The following SEC61A2 variants were observed in gnomAD, a reference collection of about 807,000 sequenced individuals.
SEC61A2 encodes the protein SEC61 translocon subunit alpha 2.
SEC61A2 carries 28 observed loss-of-function variants against 59.9 expected under a neutral mutation model. That is an observed-to-expected ratio of 0.47 (90% confidence interval 0.35 to 0.64). The LOEUF (loss-of-function observed/expected upper bound fraction) is 0.64. SEC61A2 is among the 30% of genes least tolerant of loss of function. The pLI is 0.01. For synonymous variants in SEC61A2, 202 were observed against 214.4 expected (o/e 0.94, Z 0.50); for missense variants, 340 against 585.9 (o/e 0.58, Z 4.33).
downstream of SEC61A2, chr10:12,167,176 C>T (rs904566137): frequency 3.1e-5 from 5 of 158,968 alleles, no homozygotes; most frequent in Middle Eastern, 3.1e-3. Context: ...AGGATTCTAT[C>T]GAACCCTACC....
chr10:12,163,539 G>A (rs983803273), intron 11 of SEC61A2, among the ~76,000 whole-genome samples: 3 of 151,876 alleles, frequency 2.0e-5, no homozygotes, highest in African/African-American at 7.3e-5. Flanking sequence ...GGCCAGGCTC[G>A]TCTTGAACTT....
chr10:12,167,900 C>T (rs1588651835), downstream of SEC61A2: 4 of 1,559,054 alleles, frequency 2.6e-6, no homozygotes, highest in Non-Finnish European at 2.6e-6. Flanking sequence ...GCAGGTACTA[C>T]TATATGTCAC....
intron 3 of SEC61A2, among the ~76,000 whole-genome samples, chr10:12,137,377 CACTTCAGCCTTG>C (rs992597256): frequency 6.6e-6 from 1 of 152,000 alleles, no homozygotes; most frequent in African/African-American, 2.4e-5. Context: ...CTGCAGTGAT[CACTTCAGCCTTG>C]ACTTCCCCAA....
chr10:12,138,600 A>AT (rs1564408049), intron 3 of SEC61A2, among the ~76,000 whole-genome samples: 1 of 152,234 alleles, frequency 6.6e-6, no homozygotes, highest in Non-Finnish European at 1.5e-5. Flanking sequence ...TGTTTTTTCT[A>AT]GAGCTTCATG....
Position 12,143,053 on chromosome 10 carries a change from A to G in SEC61A2, c.142-64A>G. ...CTGCAGCCTTTGCCTCCTGGGTTCA[A>G]GCGATTCTTATGCCTCAGCCTTATA... is the stretch of plus-strand genomic sequence containing the variant. On this transcript the variant is annotated intron_variant, in intron 3 of 11. Transcript: ENST00000298428. This position sits in a 1 kb window ranked among gnomAD's most constrained non-coding sequence, Gnocchi z 4.8. The G allele has an allele frequency of 7.8e-7, 1 of 1,289,880 alleles. No homozygotes were observed. The highest frequency in any genetic ancestry group is 1.1e-6 in the Non-Finnish European group (1 of 887,330). 79.9% of individuals were successfully genotyped at this position (1,289,880 alleles called of 1,614,324 possible).
chr10:12,162,287 T>C lies in SEC61A2; in HGVS notation c.1242T>C (p.Asn414=). 6.2e-7 allele frequency: 1 copy of C among 1,611,762 alleles called. No homozygotes were observed. Residue 414 remains asparagine (N), a splice_region_variant and synonymous_variant, in exon 11 of 12, where the codon AAT becomes AAC. Transcript: ENST00000298428. This position sits in a 1 kb window ranked among gnomAD's most constrained non-coding sequence, Gnocchi z 6.1. The stretch of plus-strand genomic sequence containing the variant: ...ATACCTCTATGGTTCATGAGCTTAA[T>C]AGGTAAGGCTGCTAGACTGACACCT... ...HRDTSMVHEL[N]RYIPTAAAFG...
downstream of SEC61A2, chr10:12,167,718 G>A (rs750377443): frequency 1.9e-6 from 3 of 1,614,022 alleles, no homozygotes; most frequent in Admixed American, 1.7e-5. Context: ...TTTCAAGAAG[G>A]GCACTTCAAA....
At chr10:12,165,499 C>T (rs1221465377), downstream of SEC61A2, 1 of 341,486 alleles carries the variant, frequency 2.9e-6, no homozygotes, top group Non-Finnish European at 4.1e-6. Context: ...ACACTTCAAA[C>T]TTTAATCCTA....
Position 12,156,025 on chromosome 10 carries a change from G to T in SEC61A2, c.616+94G>T. On this transcript the variant is annotated intron_variant, in intron 7 of 11. Coordinates refer to ENST00000298428, the MANE Select transcript of SEC61A2 (RefSeq NM_018144.4). The surrounding 1 kb of genome is among the most constrained non-coding windows in gnomAD (Gnocchi z 5.2). ...CGCAGTACATGCCTAGAGCCGTTCT[G>T]GTTTGCTCTCCTAGGGGATAAGGAA... The T allele has an allele frequency of 7.4e-7, 1 of 1,355,594 alleles. No individual in the cohort carries two copies. Among genetic ancestry groups the T allele is most frequent in the South Asian group, 1.3e-5 (1 of 79,660 alleles). The allele number at this position is 1,355,594 out of a possible 1,614,324, so 84.0% of individuals were successfully genotyped here.
rs557226035 is a variant in SEC61A2 at position 12,143,610 on chromosome 10, G to C, written c.220+415G>C. On this transcript the variant is annotated intron_variant, in intron 4 of 11. Transcript: ENST00000298428. This position sits in a 1 kb window ranked among gnomAD's most constrained non-coding sequence, Gnocchi z 4.8. ...ATTAGCCAGGTGTGGGTATGCACCTGTAATCCCAGCTACTCAGGAGGCTGA... is the reference window on the plus strand; with the variant it reads ...ATTAGCCAGGTGTGGGTATGCACCTCTAATCCCAGCTACTCAGGAGGCTGA... Among the ~76,000 whole-genome samples, 15 of 152,262 alleles carry C rather than the reference G, an allele frequency of 9.9e-5. No individual in the cohort carries two copies. In the South Asian group the frequency reaches 2.7e-3, roughly 27 times the overall value.
chr10:12,143,228 C>T lies in SEC61A2; in HGVS notation c.220+33C>T. Reference sequence around the variant, plus strand: ...TGTCTTTTCTGTCTCCACACTCCTACTCACAGCAAACAGATGGAAACATGT... The same window carrying T: ...TGTCTTTTCTGTCTCCACACTCCTATTCACAGCAAACAGATGGAAACATGT... On this transcript the variant is annotated intron_variant, in intron 4 of 11. Coordinates refer to ENST00000298428, the MANE Select transcript of SEC61A2 (RefSeq NM_018144.4). The surrounding 1 kb of genome is among the most constrained non-coding windows in gnomAD (Gnocchi z 4.8). 3 of 1,421,286 alleles carry T rather than the reference C, an allele frequency of 2.1e-6. No individual in the cohort carries two copies. The highest frequency in any genetic ancestry group is 1.8e-4 in the Middle Eastern group (1 of 5,664). The allele number at this position is 1,421,286 out of a possible 1,614,324, so 88.0% of individuals were successfully genotyped here.
At chr10:12,146,251 C>T (rs1190696787) in intron 4 of SEC61A2, among the ~76,000 whole-genome samples, 1 of 152,180 alleles carries the variant, frequency 6.6e-6, no homozygotes, top group East Asian at 1.9e-4. Context: ...TTCCTGACCT[C>T]AGGTGATCCA....
chr10:12,134,208 C>T (rs961560899), intron 2 of SEC61A2, among the ~76,000 whole-genome samples: 6 of 152,146 alleles, frequency 3.9e-5, no homozygotes, highest in Non-Finnish European at 5.9e-5. Context: ...GGGGTTTCAC[C>T]GTGTTAGCCA....
chr10:12,137,306 G>GT (rs1441164385), intron 3 of SEC61A2, among the ~76,000 whole-genome samples: 3 of 152,080 alleles, frequency 2.0e-5, no homozygotes, highest in Non-Finnish European at 4.4e-5. Flanking sequence ...TGATGATAGT[G>GT]TTTTTTTGGT....
downstream of SEC61A2, chr10:12,169,243 T>TC: frequency 1.3e-6 from 2 of 1,529,706 alleles, no homozygotes; most frequent in Non-Finnish European, 1.8e-6. The surrounding 1 kb of genome is among the most constrained non-coding windows in gnomAD (Gnocchi z 4.8). Flanking sequence ...TCTATTTTTT[T>TC]CTCCCTTTTC....
rs555570338 is a variant in SEC61A2, at chr10:12,144,638, T to G, written c.220+1443T>G. Among the ~76,000 whole-genome samples the G allele has an allele frequency of 2.0e-5, 3 of 152,272 alleles. No homozygotes were observed. In the South Asian group the frequency reaches 6.2e-4, roughly 32 times the overall value. ...GGGAAGGTGCTCTAGGAAGGTGATCTTTGAAGACAGCTGCAGGAAGTGAGA... is the reference window on the plus strand; with the variant it reads ...GGGAAGGTGCTCTAGGAAGGTGATCGTTGAAGACAGCTGCAGGAAGTGAGA... On this transcript the variant is annotated intron_variant, in intron 4 of 11. Coordinates refer to ENST00000298428, the MANE Select transcript of SEC61A2 (RefSeq NM_018144.4).
At chr10:12,159,460 A>AG (rs1231040473) in intron 9 of SEC61A2, among the ~76,000 whole-genome samples, 2 of 151,998 alleles carry the variant, frequency 1.3e-5, no homozygotes, top group Non-Finnish European at 1.5e-5. Context: ...GAACAAGGAG[A>AG]GAGGATAGCT....
chr10:12,135,870 C>T (rs537674857), intron 2 of SEC61A2, among the ~76,000 whole-genome samples: 140 of 152,210 alleles, frequency 9.2e-4, no homozygotes, highest in Non-Finnish European at 1.4e-3. Context: ...CATCAAGAAG[C>T]ATCTGTGCAT....
intron 2 of SEC61A2, among the ~76,000 whole-genome samples, chr10:12,134,674 C>T (rs1245481440): frequency 1.3e-5 from 2 of 152,144 alleles, no homozygotes; most frequent in Admixed American, 6.6e-5. Flanking sequence ...CACCTGTAAT[C>T]CCAGCACTTT....
Sources: gnomAD v4.1 joint callset for allele counts (sites outside exome capture counted in the v4.1 genomes callset) on GRCh38, gnomAD v4.1.1 for gene constraint, Gnocchi (gnomAD v3.1) non-coding constraint, MANE v1.5 for transcripts, NCBI Gene and HGNC (gene_info 2026-07-23, HGNC 2026-07-21) for gene names.